Variants in SELENOI observed in about 807,000 individuals in gnomAD.
The protein encoded by SELENOI is ethanolaminephosphotransferase 1.
SELENOI carries 24 observed loss-of-function variants against 50.7 expected under a neutral mutation model. That is an observed-to-expected ratio of 0.47 (90% CI 0.34 to 0.67). SELENOI has a LOEUF of 0.67. SELENOI is among the 30% of genes least tolerant of loss of function. SELENOI has a pLI of 0.01. For missense variants in SELENOI, 352 were observed against 461.4 expected (o/e 0.76, Z 2.17); for synonymous variants, 155 against 170.2 (o/e 0.91, Z 0.70).
rs367547904 is a variant in SELENOI, at chr2:26,361,073, G to A, written c.58-3229G>A. Among the ~76,000 whole-genome samples the A allele has an allele frequency of 5.9e-5, 9 of 152,164 alleles. No homozygotes were observed. The South Asian group carries it at 1.9e-3, about 32-fold the overall frequency. On this transcript the variant is annotated intron_variant, in intron 1 of 9. Coordinates refer to ENST00000260585, the MANE Select transcript of SELENOI (RefSeq NM_033505.4). ...ACTAAAAATACAAAAAATTAGCTGG[G>A]CGTGGTGGTGGGCGCCTATAGTCCT... is the stretch of plus-strand genomic sequence containing the variant.
At position 26,371,679 on chromosome 2, in the gene SELENOI, C is replaced by T. The variant is rs1358520906; in HGVS notation, c.311-1688C>T. Among the ~76,000 whole-genome samples the T allele has an allele frequency of 3.3e-5, 5 of 152,002 alleles. No individual in the cohort carries two copies. In the East Asian group the frequency reaches 9.7e-4, roughly 30 times the overall value. On this transcript the variant is annotated intron_variant, in intron 4 of 9. Coordinates refer to ENST00000260585, the MANE Select transcript of SELENOI (RefSeq NM_033505.4). ...CTGGAGACCAGCCCGGCCAACACAGCGAAACCCCGTCTCCACCAAAAAAAT... is the reference window on the plus strand; with the variant it reads ...CTGGAGACCAGCCCGGCCAACACAGTGAAACCCCGTCTCCACCAAAAAAAT...
intron 1 of SELENOI, among the ~76,000 whole-genome samples, chr2:26,353,172 A>G (rs1676995890): frequency 6.6e-6 from 1 of 152,186 alleles, no homozygotes; most frequent in Non-Finnish European, 1.5e-5. Context: ...GTAGTCACTG[A>G]GGCAGGGTTT....
At chr2:26,354,303 T>C (rs2147944578) in intron 1 of SELENOI, among the ~76,000 whole-genome samples, 1 of 152,254 alleles carries the variant, frequency 6.6e-6, no homozygotes. Context: ...CTGGAGTCCA[T>C]GTTCTTCCTG....
At chr2:26,361,171 G>A (rs973707292) in intron 1 of SELENOI, among the ~76,000 whole-genome samples, 2 of 152,164 alleles carry the variant, frequency 1.3e-5, no homozygotes, top group African/African-American at 2.4e-5. Flanking sequence ...CCAAGATCGC[G>A]CCACTGCACT....
intron 6 of SELENOI, among the ~76,000 whole-genome samples, chr2:26,379,970 TG>T (rs1439005644): frequency 2.0e-5 from 3 of 152,222 alleles, no homozygotes; most frequent in African/African-American, 7.2e-5. Flanking sequence ...ATTAAGATTT[TG>T]TTTTTTTGCA....
rs1422283738 is a variant in SELENOI at position 26,389,103 on chromosome 2, A to G, written c.1194A>G (p.Ter398=). Reference sequence around the variant, plus strand: ...TGGAAGAAAAGAATATTGGCCTGTAATAATCTTTCTTTGGGCACAAAGAAG... The same window carrying G: ...TGGAAGAAAAGAATATTGGCCTGTAGTAATCTTTCTTTGGGCACAAAGAAG... The part of the protein sequence containing the change: ...LGMEEKNIGL[*] Residue 398 remains the stop codon, a stop_retained_variant, in exon 10 of 10, where the codon TAA becomes TAG. Coordinates refer to ENST00000260585, the MANE Select transcript of SELENOI (RefSeq NM_033505.4). The G allele has an allele frequency of 6.4e-7, 1 of 1,561,846 alleles. No homozygotes were observed. Among genetic ancestry groups the G allele is most frequent in the African/African-American group, 1.4e-5 (1 of 73,756 alleles).
At chr2:26,367,241 T>TA (rs1677304806) in intron 4 of SELENOI, 21 bp downstream of exon 4, 3 of 1,578,126 alleles carry the variant, frequency 1.9e-6, no homozygotes, top group Non-Finnish European at 2.6e-6. Flanking sequence ...GGTAAATACT[T>TA]ACTATAGTCA....
intron 5 of SELENOI, among the ~76,000 whole-genome samples, chr2:26,373,982 C>T: frequency 6.6e-6 from 1 of 152,052 alleles, no homozygotes. Flanking sequence ...TAACTCCTGA[C>T]CTCAAGTGAT....
In SELENOI at chr2:26,386,343, T is replaced by C. The variant is rs2147963525; in HGVS notation, c.913-11T>C. 1 of 1,590,600 alleles carries C rather than the reference T, an allele frequency of 6.3e-7. No homozygotes were observed. The highest frequency in any genetic ancestry group is 2.2e-5 in the East Asian group (1 of 44,798). On this transcript the variant is annotated splice_polypyrimidine_tract_variant and intron_variant, in intron 8 of 9. Transcript: ENST00000260585. ...TTTTTTTCTCTCTTATTTTTTTAAATTGACGTCCAGTGTCAGCTGATTGTT... is the reference window on the plus strand; with the variant it reads ...TTTTTTTCTCTCTTATTTTTTTAAACTGACGTCCAGTGTCAGCTGATTGTT...
In SELENOI at chr2:26,390,557, CTG is replaced by C. The variant is rs1305310218; in HGVS notation, c.*1456_*1457del. The C allele has an allele frequency of 7.2e-5, 11 of 152,552 alleles. No homozygotes were observed. Among genetic ancestry groups the C allele is most frequent in the Admixed American group, 6.5e-5 (1 of 15,278 alleles). The allele number at this position is 152,552 out of a possible 1,614,324, so 9.4% of individuals were successfully genotyped here. On this transcript the variant is annotated 3_prime_UTR_variant, in exon 10 of 10. Transcript: ENST00000260585. ...CAGTCTGCTGCTTTGTAAAAAATAA[CTG>C]TAATTGATATTTCATTTTTAAAATT...
intron 1 of SELENOI, among the ~76,000 whole-genome samples, chr2:26,359,223 A>G (rs1677125397): frequency 6.6e-6 from 1 of 152,234 alleles, no homozygotes; most frequent in Admixed American, 6.5e-5. Context: ...CCCCTGGTGT[A>G]TTAAACTAGA....
intron 1 of SELENOI, among the ~76,000 whole-genome samples, chr2:26,356,764 T>G (rs1677072805): frequency 6.6e-6 from 1 of 152,130 alleles, no homozygotes; most frequent in Non-Finnish European, 1.5e-5. Flanking sequence ...TAGAATAAAA[T>G]CCAACTCCCT....
intron 3 of SELENOI, among the ~76,000 whole-genome samples, chr2:26,365,983 G>A (rs575198776): frequency 6.6e-6 from 1 of 152,028 alleles, no homozygotes; most frequent in East Asian, 1.9e-4. Flanking sequence ...TGTATTTGTA[G>A]TAGAGCAGGG....
intron 1 of SELENOI, among the ~76,000 whole-genome samples, chr2:26,349,932 C>CAAA (rs70950184): frequency 3.1e-4 from 17 of 55,278 alleles, no homozygotes; most frequent in South Asian, 1.5e-3. Context: ...CTCATCTCCA[C>CAAA]AAAAAAAAAA....
At chr2:26,373,729 A>C (rs1677506695) in intron 5 of SELENOI, 100 bp downstream of exon 5, 1 of 1,227,302 alleles carries the variant, frequency 8.1e-7, no homozygotes, top group East Asian at 2.5e-5. Flanking sequence ...TTTGATTAGA[A>C]TTGATATGTA....
chr2:26,369,087 CTG>C (rs1177608542), intron 4 of SELENOI, among the ~76,000 whole-genome samples: 3 of 152,218 alleles, frequency 2.0e-5, no homozygotes, highest in African/African-American at 7.2e-5. Context: ...GTTAACAAAA[CTG>C]TTTCTTTTGG....
chr2:26,375,216 A>G, intron 6 of SELENOI, 68 bp downstream of exon 6: 1 of 1,008,544 alleles, frequency 9.9e-7, no homozygotes, highest in South Asian at 1.5e-5. Context: ...GTATTTGACT[A>G]TAACAAGCAA....
At chr2:26,386,322 T>C in intron 8 of SELENOI, 32 bp from the exon 9 acceptor site, 1 of 1,582,698 alleles carries the variant, frequency 6.3e-7, no homozygotes, top group Non-Finnish European at 8.5e-7. Flanking sequence ...TTTTTCTTTT[T>C]TTCTCTCTTA....
chr2:26,382,813 A>G (rs1245951963), intron 6 of SELENOI, among the ~76,000 whole-genome samples: 1 of 151,740 alleles, frequency 6.6e-6, no homozygotes, highest in Non-Finnish European at 1.5e-5. Flanking sequence ...ATATAGCCAG[A>G]CCCTGTTTCC....
Sources: allele counts gnomAD v4.1 joint callset (sites outside exome capture counted in the v4.1 genomes callset), GRCh38; gene constraint gnomAD v4.1.1; transcripts MANE v1.5; gene names NCBI Gene and HGNC (gene_info 2026-07-23, HGNC 2026-07-21).